TMTC1: variants seen among roughly 807,000 people sequenced by gnomAD.
TMTC1 encodes transmembrane O-mannosyltransferase targeting cadherins 1.
TMTC1 carries 73 observed loss-of-function variants against 104.8 expected under a neutral mutation model. The observed-to-expected ratio is 0.70, with a 90% CI of 0.58 to 0.85. The LOEUF (loss-of-function observed/expected upper bound fraction) is 0.85. Among genes scored for constraint, TMTC1 ranks in the 40% least tolerant of loss-of-function variants. The probability of loss-of-function intolerance (pLI) is 0.00; values close to 1 mark genes in which losing one functional copy is unlikely to be tolerated. For synonymous variants in TMTC1, 434 were observed against 428.7 expected, an observed-to-expected ratio of 1.01 and a Z score of -0.15; for missense variants, 1,035 against 1,096.1, an observed-to-expected ratio of 0.94 and a Z score of 0.79.
At chr12:29,601,498 T>C (rs1946563612) in intron 7 of TMTC1, among the ~76,000 whole-genome samples, 1 of 152,228 alleles carries the variant, frequency 6.6e-6, no homozygotes, top group South Asian at 2.1e-4. Context: ...TCTTAGAAGC[T>C]TGATCACCAC....
At chr12:29,552,730 G>A (rs1945138995) in intron 10 of TMTC1, among the ~76,000 whole-genome samples, 1 of 152,204 alleles carries the variant, frequency 6.6e-6, no homozygotes, top group African/African-American at 2.4e-5. Flanking sequence ...CACATCTAAA[G>A]AGATAACTTG....
chr12:29,781,035 T>C (rs1013666690), intron 1 of TMTC1, among the ~76,000 whole-genome samples: 5 of 152,214 alleles, frequency 3.3e-5, no homozygotes, highest in Admixed American at 2.6e-4. Flanking sequence ...TAGCGAATAG[T>C]TAATAAATAC....
At chr12:29,715,379 G>A (rs1942047494) in intron 5 of TMTC1, among the ~76,000 whole-genome samples, 1 of 152,138 alleles carries the variant, frequency 6.6e-6, no homozygotes, top group Non-Finnish European at 1.5e-5. Context: ...AAGTGTGACA[G>A]CCATGATGGA....
chr12:29,531,193 G>A (rs1034590958), intron 11 of TMTC1, among the ~76,000 whole-genome samples: 9 of 152,068 alleles, frequency 5.9e-5, no homozygotes, highest in African/African-American at 2.2e-4. Flanking sequence ...CAATAAATAT[G>A]TGCTCAGTAA....
chr12:29,722,709 C>T (rs1194964127), intron 5 of TMTC1, among the ~76,000 whole-genome samples: 1 of 151,956 alleles, frequency 6.6e-6, no homozygotes, highest in Non-Finnish European at 1.5e-5. Flanking sequence ...CACCTGAGGT[C>T]AGGAGTTCAA....
chr12:29,630,459 G>A (rs897548384), intron 6 of TMTC1, among the ~76,000 whole-genome samples: 3 of 152,064 alleles, frequency 2.0e-5, no homozygotes, highest in Admixed American at 6.5e-5. Flanking sequence ...TACCTCTCAT[G>A]GGGTCCCTCC....
At chr12:29,540,227 A>G (rs1420015974) in intron 10 of TMTC1, among the ~76,000 whole-genome samples, 1 of 152,164 alleles carries the variant, frequency 6.6e-6, no homozygotes, top group Non-Finnish European at 1.5e-5. Context: ...TGTGCCATGC[A>G]GACAAGTTTT....
chr12:29,586,210 G>C (rs1027216835), intron 7 of TMTC1, among the ~76,000 whole-genome samples: 51 of 152,212 alleles, frequency 3.4e-4, no homozygotes, highest in African/African-American at 1.2e-3. Flanking sequence ...AATTGTGAAT[G>C]GGAGTTCACT....
chr12:29,584,616 G>A (rs949416252), intron 7 of TMTC1, among the ~76,000 whole-genome samples: 3 of 151,186 alleles, frequency 2.0e-5, no homozygotes, highest in Non-Finnish European at 4.4e-5. Flanking sequence ...CAACAGTCCC[G>A]GTGTGTGATG....
At chr12:29,654,427 A>G (rs932814670) in intron 5 of TMTC1, among the ~76,000 whole-genome samples, 1 of 152,224 alleles carries the variant, frequency 6.6e-6, no homozygotes, top group African/African-American at 2.4e-5. Flanking sequence ...TGGTATGGCT[A>G]TAATAAAACA....
At chr12:29,585,011 C>G (rs1946090426) in intron 7 of TMTC1, among the ~76,000 whole-genome samples, 1 of 149,364 alleles carries the variant, frequency 6.7e-6, no homozygotes, top group Non-Finnish European at 1.5e-5. Flanking sequence ...TGAGGAATCG[C>G]CACGCTGACT....
At chr12:29,549,293 A>G (rs1231402873) in intron 10 of TMTC1, among the ~76,000 whole-genome samples, 1 of 152,056 alleles carries the variant, frequency 6.6e-6, no homozygotes, top group East Asian at 1.9e-4. Flanking sequence ...CCAAAAATAC[A>G]TACCAAATTA....
intron 5 of TMTC1, among the ~76,000 whole-genome samples, chr12:29,668,101 G>T (rs1021437452): frequency 6.6e-6 from 1 of 152,206 alleles, no homozygotes; most frequent in Non-Finnish European, 1.5e-5. Context: ...CTGCATTTCT[G>T]CATGTTAACA....
At chr12:29,510,695 G>A (rs1452433704) in intron 17 of TMTC1, among the ~76,000 whole-genome samples, 1 of 152,128 alleles carries the variant, frequency 6.6e-6, no homozygotes, top group South Asian at 2.1e-4. Context: ...AAACCCGTTA[G>A]GACTTTGTTC....
chr12:29,714,779 T>C (rs889557609), intron 5 of TMTC1, among the ~76,000 whole-genome samples: 8 of 152,136 alleles, frequency 5.3e-5, no homozygotes, highest in African/African-American at 1.9e-4. Context: ...GCATGATATG[T>C]CCCTGGCTCA....
chr12:29,518,452 G>GA lies in TMTC1; in HGVS notation c.2024+19dup, dbSNP rs769118836. The GA allele has an allele frequency of 6.2e-7, 1 of 1,607,358 alleles. No homozygotes were observed. Among genetic ancestry groups the GA allele is most frequent in the South Asian group, 1.1e-5 (1 of 90,356 alleles). On this transcript the variant is annotated intron_variant, in intron 13 of 17. Coordinates refer to ENST00000539277, the MANE Select transcript of TMTC1 (RefSeq NM_001193451.2). ...CTGAGGTTCCTGGGCAACTTATAAA[G>GA]AAAAGAAAGGGAACTTTACCGCTTG...
At chr12:29,622,150 C>T (rs962687910) in intron 6 of TMTC1, among the ~76,000 whole-genome samples, 2 of 152,146 alleles carry the variant, frequency 1.3e-5, no homozygotes, top group Admixed American at 1.3e-4. Context: ...ATGACTGAGG[C>T]TATTATTAAG....
chr12:29,571,408 C>T (rs896748853), intron 9 of TMTC1, among the ~76,000 whole-genome samples: 4 of 151,626 alleles, frequency 2.6e-5, no homozygotes, highest in African/African-American at 9.7e-5. Flanking sequence ...CTATAACTGG[C>T]TGGTTGGGTA....
At chr12:29,770,925 T>A (rs1215455026) in intron 1 of TMTC1, among the ~76,000 whole-genome samples, 1 of 152,166 alleles carries the variant, frequency 6.6e-6, no homozygotes, top group Non-Finnish European at 1.5e-5. Context: ...GAAAAGGGGA[T>A]GTGATGCATG....
Sources: allele counts gnomAD v4.1 joint callset (sites outside exome capture counted in the v4.1 genomes callset), GRCh38; gene constraint gnomAD v4.1.1; transcripts MANE v1.5; gene names NCBI Gene and HGNC (gene_info 2026-07-23, HGNC 2026-07-21).